Variants in BEND3 observed in about 807,000 individuals in gnomAD.
BEND3 encodes BEN domain containing 3.
In BEND3, 13 loss-of-function variants were observed where a neutral mutation model predicts 60.1. The ratio of observed to expected loss-of-function variants is 0.22; its 90% CI spans 0.14 to 0.34. The LOEUF (loss-of-function observed/expected upper bound fraction) is 0.34, where lower values mean the gene tolerates loss of function less well. Among genes scored for constraint, BEND3 ranks in the 10% least tolerant of loss-of-function variants. BEND3 has a pLI of 1.00. For missense variants in BEND3, 896 were observed against 1,138.1 expected, an observed-to-expected ratio of 0.79 and a Z score of 3.06; for synonymous variants, 497 against 491.5, an observed-to-expected ratio of 1.01 and a Z score of -0.15.
chr6:107,081,963 G>C (rs1554233607), intron 3 of BEND3, among the ~76,000 whole-genome samples: 1 of 152,148 alleles, frequency 6.6e-6, no homozygotes, highest in Non-Finnish European at 1.5e-5. Context: ...GCTACAACCT[G>C]ATGTACACAT....
rs782579863 is a variant in BEND3 at position 107,070,262 on chromosome 6, T to C, written c.929A>G (p.Tyr310Cys). The change falls in exon 4 of 4, where the codon TAT becomes TGT. Residue 310 changes from tyrosine to cysteine, a missense_variant. Physicochemically the swap from Tyr to Cys is radical, Grantham distance 194. Around this residue, in one of 4 missense-constraint regions of BEND3, gnomAD observed 846 missense variants for 1,036.7 expected, o/e 0.82. Transcript: ENST00000369042. The surrounding 1 kb of genome is among the most constrained non-coding windows in gnomAD (Gnocchi z 6.9). The part of the protein sequence containing the change: ...ESLHLQLIRN[Y>C]VEVYYPSVKD... ...CACCGAGGGGTAGTAGACCTCCACA[T>C]AGTTGCGGATGAGCTGCAGGTGCAG... The C allele has an allele frequency of 1.2e-6, 2 of 1,613,028 alleles. No homozygotes were observed. The highest frequency in any genetic ancestry group is 2.2e-5 in the South Asian group (2 of 91,072).
Position 107,068,229 on chromosome 6 carries a change from C to CT in BEND3, c.*474dup, listed in dbSNP as rs1774872104. On this transcript the variant is annotated 3_prime_UTR_variant, in exon 4 of 4. Coordinates refer to ENST00000369042, the MANE Select transcript of BEND3 (RefSeq NM_001367314.1). This position sits in a 1 kb window ranked among gnomAD's most constrained non-coding sequence, Gnocchi z 5.8. The stretch of plus-strand genomic sequence containing the variant: ...TTAGCCACTGTGCACGAACATGGCA[C>CT]TTTTAAAGAGATTTTTTTCTAAGTA... 1 of 155,134 alleles carries CT rather than the reference C, an allele frequency of 6.4e-6. No homozygotes were observed. Among genetic ancestry groups the CT allele is most frequent in the Admixed American group, 6.4e-5 (1 of 15,712 alleles). The allele number at this position is 155,134 out of a possible 1,614,324, so 9.6% of individuals were successfully genotyped here.
At chr6:107,102,255 G>T (rs1775717882) in intron 1 of BEND3, among the ~76,000 whole-genome samples, 1 of 152,202 alleles carries the variant, frequency 6.6e-6, no homozygotes. Flanking sequence ...TGCAGGGCTG[G>T]AGTCCAGGCT....
At chr6:107,109,968 C>A (rs933646285) in intron 1 of BEND3, among the ~76,000 whole-genome samples, 5 of 150,328 alleles carry the variant, frequency 3.3e-5, no homozygotes, top group Non-Finnish European at 5.9e-5. Context: ...GAGGTTGAAG[C>A]TGCAGTGAGC....
intron 1 of BEND3, among the ~76,000 whole-genome samples, chr6:107,101,391 T>C (rs977768400): frequency 7.2e-5 from 11 of 152,112 alleles, no homozygotes; most frequent in African/African-American, 2.4e-4. Flanking sequence ...ACTGCAAAGG[T>C]TACTAATAAT....
rs1774904465 is a variant in BEND3, at chr6:107,069,283, C to T, written c.1908G>A (p.Val636=). The change falls in exon 4 of 4, where the codon GTG becomes GTA. Residue 636 remains valine, a synonymous_variant. Coordinates refer to ENST00000369042, the MANE Select transcript of BEND3 (RefSeq NM_001367314.1). The part of the protein sequence containing the change: ...KNDRVWTLEF[V]GKLDERCRRR... ...GCCGGCAGCGCTCATCCAGTTTGCCCACGAACTCCAGGGTCCAGACGCGGT... is the reference window on the plus strand; with the variant it reads ...GCCGGCAGCGCTCATCCAGTTTGCCTACGAACTCCAGGGTCCAGACGCGGT... 1 of 1,612,240 alleles carries T rather than the reference C, an allele frequency of 6.2e-7. No individual in the cohort carries two copies.
chr6:107,093,213 C>A (rs1554235475), intron 3 of BEND3, among the ~76,000 whole-genome samples: 1 of 152,196 alleles, frequency 6.6e-6, no homozygotes, highest in East Asian at 1.9e-4. Context: ...GTAATCCCAG[C>A]ACTTTGGGAG....
At chr6:107,099,365 A>C in intron 1 of BEND3, 69 bp from the exon 2 acceptor site, 1 of 1,435,834 alleles carries the variant, frequency 7.0e-7, no homozygotes. Context: ...CTCTACCCAC[A>C]GAAAATCCTC....
At chr6:107,086,585 G>A (rs1775353329) in intron 3 of BEND3, among the ~76,000 whole-genome samples, 1 of 151,092 alleles carries the variant, frequency 6.6e-6, no homozygotes, top group African/African-American at 2.4e-5. Flanking sequence ...ACTGCACTCT[G>A]GCCAGAGACA....
At chr6:107,095,475 G>A (rs1343906037) in intron 3 of BEND3, among the ~76,000 whole-genome samples, 1 of 152,160 alleles carries the variant, frequency 6.6e-6, no homozygotes, top group Non-Finnish European at 1.5e-5. Context: ...ACTGTAAAAT[G>A]GTCCAGCCAC....
intron 1 of BEND3, among the ~76,000 whole-genome samples, chr6:107,104,804 G>A (rs782586356): frequency 1.3e-5 from 2 of 151,824 alleles, no homozygotes; most frequent in African/African-American, 2.4e-5. Flanking sequence ...AAGCAGCTGG[G>A]ACCACAGGCA....
At chr6:107,098,793 G>A (rs782092938) in intron 2 of BEND3, 40 bp from the exon 3 acceptor site, 5 of 1,573,896 alleles carry the variant, frequency 3.2e-6, no homozygotes, top group Non-Finnish European at 4.4e-6. Context: ...GGAAAAACCA[G>A]GGCTGCTCAG....
intron 3 of BEND3, among the ~76,000 whole-genome samples, chr6:107,074,295 A>G (rs186161265): frequency 6.6e-6 from 1 of 151,888 alleles, no homozygotes; most frequent in African/African-American, 2.4e-5. Flanking sequence ...CGTGCTTGTA[A>G]TCCCAGCTAC....
At chr6:107,087,320 A>T (rs1393886911) in intron 3 of BEND3, among the ~76,000 whole-genome samples, 1 of 151,896 alleles carries the variant, frequency 6.6e-6, no homozygotes, top group Non-Finnish European at 1.5e-5. Flanking sequence ...CTCCAACTCA[A>T]AAAAGAAAAG....
In BEND3 at chr6:107,069,348, G is replaced by A. The variant is rs782244657; in HGVS notation, c.1843C>T (p.Arg615Cys). 1 of 1,612,920 alleles carries A rather than the reference G, an allele frequency of 6.2e-7. No homozygotes were observed. The highest frequency in any genetic ancestry group is 8.5e-7 in the Non-Finnish European group (1 of 1,179,810). Residue 615 changes from arginine to cysteine, a missense_variant, in exon 4 of 4, where the codon CGC becomes TGC. By Grantham distance (180) the Arg-to-Cys change is radical. Coordinates refer to ENST00000369042, the MANE Select transcript of BEND3 (RefSeq NM_001367314.1). ...QLDPSRIKLIRHYVQLLYPRA... is the reference protein window; with the variant it reads ...QLDPSRIKLICHYVQLLYPRA... ...GGGTAGAGCAGCTGCACGTAGTGGC[G>A]GATGAGCTTGATGCGGGAGGGGTCC... is the stretch of plus-strand genomic sequence containing the variant.
In BEND3 at chr6:107,070,749, C is replaced by T; in HGVS notation, c.442G>A (p.Asp148Asn). The change falls in exon 4 of 4, where the codon GAC becomes AAC. Residue 148 changes from aspartate to asparagine, a missense_variant. Asp to Asn is a conservative substitution (Grantham distance 23, BLOSUM62 1). Coordinates refer to ENST00000369042, the MANE Select transcript of BEND3 (RefSeq NM_001367314.1). The surrounding 1 kb of genome is among the most constrained non-coding windows in gnomAD (Gnocchi z 6.9). ...AAGAGCTCGTACACGTTTAGCAGGTCCCCCGAGGGAGGATTCTTCTTCTCC... is the reference window on the plus strand; with the variant it reads ...AAGAGCTCGTACACGTTTAGCAGGTTCCCCGAGGGAGGATTCTTCTTCTCC... The part of the protein sequence containing the change: ...IMEKKNPPSG[D>N]LLNVYELFEK... 1 of 1,614,050 alleles carries T rather than the reference C, an allele frequency of 6.2e-7. No individual in the cohort carries two copies. Among genetic ancestry groups the T allele is most frequent in the Non-Finnish European group, 8.5e-7 (1 of 1,180,020 alleles).
chr6:107,098,971 C>T (rs979354859), intron 2 of BEND3, among the ~76,000 whole-genome samples: 2 of 152,108 alleles, frequency 1.3e-5, no homozygotes, highest in African/African-American at 4.8e-5. Context: ...GCATTTAGTT[C>T]AAATTGGTTT....
At chr6:107,098,882 T>C (rs2115027579) in intron 2 of BEND3, 129 bp from the exon 3 acceptor site, 1 of 718,280 alleles carries the variant, frequency 1.4e-6, no homozygotes. Context: ...GATGTCTAGT[T>C]GTAACAAACC....
Position 107,068,633 on chromosome 6 carries a change from A to T in BEND3, c.*71T>A. 1 of 1,527,088 alleles carries T rather than the reference A, an allele frequency of 6.5e-7. No individual in the cohort carries two copies. Among genetic ancestry groups the T allele is most frequent in the African/African-American group, 1.4e-5 (1 of 72,832 alleles). The allele number at this position is 1,527,088 out of a possible 1,614,324, so 94.6% of individuals were successfully genotyped here. On this transcript the variant is annotated 3_prime_UTR_variant, in exon 4 of 4. Coordinates refer to ENST00000369042, the MANE Select transcript of BEND3 (RefSeq NM_001367314.1). The surrounding 1 kb of genome is among the most constrained non-coding windows in gnomAD (Gnocchi z 5.8). ...GGATGCCATAGGCGTGCTCCCAAGT[A>T]TTGCTCAGTCCCAAGGGTGCCCATC... is the stretch of plus-strand genomic sequence containing the variant.
Sources: allele counts gnomAD v4.1 joint callset (sites outside exome capture counted in the v4.1 genomes callset), GRCh38; gene constraint gnomAD v4.1.1; regional missense constraint gnomAD v4.1.1; non-coding constraint Gnocchi (gnomAD v3.1); transcripts MANE v1.5; gene names NCBI Gene and HGNC (gene_info 2026-07-23, HGNC 2026-07-21).